SLC25A26: variants seen among roughly 807,000 people sequenced by gnomAD.
SLC25A26 encodes the protein mitochondrial S-adenosylmethionine carrier protein.
A neutral mutation model predicts 37.8 loss-of-function variants in SLC25A26; 36 were observed. The observed-to-expected ratio is 0.95, with a 90% CI of 0.73 to 1.26. The LOEUF (loss-of-function observed/expected upper bound fraction) is 1.26, where lower values mean the gene tolerates loss of function less well. Among genes scored for constraint, SLC25A26 ranks in the 50% most tolerant of loss-of-function variants. The pLI, the probability that SLC25A26 is intolerant of heterozygous loss-of-function variation, is 0.00. For synonymous variants in SLC25A26, 129 were observed against 122.5 expected (o/e 1.05, Z -0.35); for missense variants, 390 against 331.1 (o/e 1.18, Z -1.38).
chr3:66,287,939 T>G (rs543341475), intron 5 of SLC25A26, among the ~76,000 whole-genome samples: 1 of 152,350 alleles, frequency 6.6e-6, no homozygotes, highest in African/African-American at 2.4e-5. Flanking sequence ...AAACGTTTGC[T>G]GTAGTTTTGA....
chr3:66,216,809 A>C (rs1053535227), upstream of SLC25A26, among the ~76,000 whole-genome samples: 1 of 152,180 alleles, frequency 6.6e-6, no homozygotes. Context: ...TGCTTACCAC[A>C]TTGCCTGTAT....
At chr3:66,319,505 T>A (rs979951028) in intron 5 of SLC25A26, among the ~76,000 whole-genome samples, 9 of 152,174 alleles carry the variant, frequency 5.9e-5, no homozygotes, top group Admixed American at 5.9e-4. Context: ...GAAACAGAGT[T>A]GCTTATCTAG....
At chr3:66,327,264 A>G (rs2107666219) in intron 5 of SLC25A26, among the ~76,000 whole-genome samples, 1 of 152,274 alleles carries the variant, frequency 6.6e-6, no homozygotes, top group East Asian at 1.9e-4. Context: ...AAGGCCGTTA[A>G]TATTCTCCCT....
At chr3:66,138,624 G>A (rs2069983959) in intron 1 of SLC25A26, among the ~76,000 whole-genome samples, 1 of 151,500 alleles carries the variant, frequency 6.6e-6, no homozygotes, top group Non-Finnish European at 1.5e-5. Flanking sequence ...CAGACAATTT[G>A]GTGGGAGGAT....
chr3:66,172,179 G>C (rs952895736), intron 1 of SLC25A26, among the ~76,000 whole-genome samples: 2 of 152,084 alleles, frequency 1.3e-5, no homozygotes, highest in African/African-American at 4.8e-5. Flanking sequence ...AGAAGGTGGA[G>C]GCAGGAGGAT....
chr3:66,146,622 A>C (rs1043104280), intron 1 of SLC25A26, among the ~76,000 whole-genome samples: 12 of 152,228 alleles, frequency 7.9e-5, no homozygotes, highest in African/African-American at 2.7e-4. Flanking sequence ...AAATTCTAAT[A>C]AATTACATTA....
intron 9 of SLC25A26, among the ~76,000 whole-genome samples, chr3:66,372,567 A>T (rs1700404043): frequency 6.6e-6 from 1 of 151,900 alleles, no homozygotes; most frequent in Admixed American, 6.6e-5. Flanking sequence ...GTCATGTGGA[A>T]TTTTTTTTGC....
intron 1 of SLC25A26, among the ~76,000 whole-genome samples, chr3:66,196,861 C>T (rs931298955): frequency 0.18 from 27,892 of 151,846 alleles, 2,659 homozygotes; most frequent in African/African-American, 0.21. Flanking sequence ...AGTTAAAAAC[C>T]ATCTGGGTCA....
chr3:66,317,915 A>ATG (rs1458026140), intron 5 of SLC25A26, among the ~76,000 whole-genome samples: 1 of 152,122 alleles, frequency 6.6e-6, no homozygotes, highest in African/African-American at 2.4e-5. Context: ...CTGTACTGTG[A>ATG]TGTGGGGAGT....
rs9816002 is a variant in SLC25A26, at chr3:66,366,889, G to C, written c.569-2589G>C. Among the ~76,000 whole-genome samples, 705 of 152,294 alleles carry C rather than the reference G, an allele frequency of 4.6e-3. 5 individuals are homozygous for C. The highest frequency in any genetic ancestry group is 0.016 in the African/African-American group (666 of 41,566). On this transcript the variant is annotated intron_variant, in intron 7 of 9. Coordinates refer to ENST00000354883, the MANE Select transcript of SLC25A26 (RefSeq NM_001379210.1). ...CTGTGTGGCCTGGGCAAGTAAGTTG[G>C]TTGTAAAATGAGAATAGTAACACCT...
intron 2 of SLC25A26, among the ~76,000 whole-genome samples, chr3:66,239,240 G>A (rs142203905): frequency 0.14 from 20,641 of 150,082 alleles, 1,598 homozygotes; most frequent in East Asian, 0.31. Flanking sequence ...TAAGATCTAT[G>A]TTTTGAAACC....
intron 1 of SLC25A26, among the ~76,000 whole-genome samples, chr3:66,224,890 A>T (rs973320586): frequency 6.6e-6 from 1 of 152,242 alleles, no homozygotes; most frequent in South Asian, 2.1e-4. Flanking sequence ...CTGAAATCCA[A>T]CAGGGTAGTC....
chr3:66,296,588 G>T (rs890422148), intron 5 of SLC25A26, among the ~76,000 whole-genome samples: 3 of 152,168 alleles, frequency 2.0e-5, no homozygotes, highest in Non-Finnish European at 2.9e-5. Context: ...AATGTATTGT[G>T]TGTGTATGCA....
intron 5 of SLC25A26, among the ~76,000 whole-genome samples, chr3:66,303,316 C>G (rs1034334002): frequency 6.6e-6 from 1 of 152,188 alleles, no homozygotes; most frequent in African/African-American, 2.4e-5. Context: ...AAGGCGCAGC[C>G]ACCTTTAAGG....
chr3:66,270,340 T>G (rs2073915377), intron 5 of SLC25A26, among the ~76,000 whole-genome samples: 1 of 152,222 alleles, frequency 6.6e-6, no homozygotes, highest in African/African-American at 2.4e-5. Context: ...ACTTCTAATG[T>G]GAAATTGTTT....
At chr3:66,377,321 G>A (rs1020011135) in intron 9 of SLC25A26, among the ~76,000 whole-genome samples, 3 of 152,058 alleles carry the variant, frequency 2.0e-5, no homozygotes, top group Non-Finnish European at 2.9e-5. Flanking sequence ...TTGGGGTCTC[G>A]AAGGACAAAA....
At chr3:66,137,520 AC>A (rs2069965576) in intron 1 of SLC25A26, among the ~76,000 whole-genome samples, 1 of 151,566 alleles carries the variant, frequency 6.6e-6, no homozygotes, top group African/African-American at 2.4e-5. Flanking sequence ...GAACAACCAC[AC>A]CCAGCCCCAC....
intron 9 of SLC25A26, among the ~76,000 whole-genome samples, chr3:66,372,230 G>T (rs79025848): frequency 0.047 from 7,104 of 152,272 alleles, 226 homozygotes; most frequent in South Asian, 0.08. Context: ...TTTCAGTGTA[G>T]TTCATGTTTG....
intron 6 of SLC25A26, among the ~76,000 whole-genome samples, chr3:66,358,881 C>G (rs2076635319): frequency 6.6e-6 from 1 of 152,172 alleles, no homozygotes; most frequent in African/African-American, 2.4e-5. Flanking sequence ...GTGCTTCACA[C>G]CTGGAATGTG....
Sources: gnomAD v4.1 joint callset for allele counts (sites outside exome capture counted in the v4.1 genomes callset) on GRCh38, gnomAD v4.1.1 for gene constraint, MANE v1.5 for transcripts, NCBI Gene and HGNC (gene_info 2026-07-23, HGNC 2026-07-21) for gene names.